The following RARB variants were observed in gnomAD, a reference collection of about 807,000 sequenced individuals.
RARB encodes HBV-activated protein.
In RARB, 17 loss-of-function variants were observed where a neutral mutation model predicts 51.9. The ratio of observed to expected loss-of-function variants is 0.33; its 90% CI spans 0.22 to 0.49. The LOEUF is 0.49. Ranked by LOEUF, RARB falls within the 20% of genes least tolerant of loss-of-function variation. The pLI is 0.99. For synonymous variants in RARB, 215 were observed against 195.4 expected, an observed-to-expected ratio of 1.10 and a Z score of -0.84; for missense variants, 369 against 550.8, an observed-to-expected ratio of 0.67 and a Z score of 3.30.
chr3:25,400,922 G>A (rs912255681), intron 5 of RARB, among the ~76,000 whole-genome samples: 1 of 151,928 alleles, frequency 6.6e-6, no homozygotes, highest in East Asian at 1.9e-4. Flanking sequence ...ATGTAAATCT[G>A]TTTTTAAGGT....
chr3:25,505,544 A>ATTT lies in RARB; in HGVS notation c.448+4232_448+4234dup, dbSNP rs5847359. Among the ~76,000 whole-genome samples, 16 of 146,416 alleles carry ATTT rather than the reference A, an allele frequency of 1.1e-4. No homozygotes were observed. The East Asian group carries it at 3.0e-3, about 27-fold the overall frequency. On this transcript the variant is annotated intron_variant, in intron 3 of 7. Coordinates refer to ENST00000330688, the MANE Select transcript of RARB (RefSeq NM_000965.5). ...ATCAGAACAGTATGCTTATTTCTTC[A>ATTT]TTTTTTTTTTTTTCTGTTTTGTAAA...
chr3:25,250,846 T>G (rs1702699484), intron 5 of RARB, among the ~76,000 whole-genome samples: 1 of 152,050 alleles, frequency 6.6e-6, no homozygotes. Flanking sequence ...CTCACAAGGG[T>G]TAAGAGACTC....
At chr3:25,199,213 A>G (rs893043167) in intron 5 of RARB, among the ~76,000 whole-genome samples, 2 of 152,066 alleles carry the variant, frequency 1.3e-5, no homozygotes, top group African/African-American at 4.8e-5. Flanking sequence ...TAAACATCAC[A>G]TGGTCTCACT....
At chr3:24,911,615 A>T (rs541281206) in intron 2 of RARB, among the ~76,000 whole-genome samples, 1 of 152,254 alleles carries the variant, frequency 6.6e-6, no homozygotes, top group Admixed American at 6.5e-5. Context: ...ATAAACTTGG[A>T]TTGTATGGTT....
rs142051471 is a variant in RARB at position 25,254,891 on chromosome 3, A to C, written c.178+80316A>C. Reference sequence around the variant, plus strand: ...TGGTGTTCTTGTGTTTGGATTGAGAATATTATTGAGGCACTACCTTAGCAG... The same window carrying C: ...TGGTGTTCTTGTGTTTGGATTGAGACTATTATTGAGGCACTACCTTAGCAG... On this transcript the variant is annotated intron_variant, in intron 5 of 11. Transcript: ENST00000383772. Among the ~76,000 whole-genome samples, 526 of 150,990 alleles carry C rather than the reference A, an allele frequency of 3.5e-3. 5 individuals carry two copies. Among genetic ancestry groups the C allele is most frequent in the African/African-American group, 0.012 (512 of 41,154 alleles).
intron 5 of RARB, among the ~76,000 whole-genome samples, chr3:25,214,725 T>C (rs1270405137): frequency 2.6e-5 from 4 of 152,188 alleles, no homozygotes; most frequent in Non-Finnish European, 5.9e-5. Flanking sequence ...AGCCCTCACT[T>C]TGGGCTAGGT....
intron 2 of RARB, among the ~76,000 whole-genome samples, chr3:24,927,435 C>T (rs141066803): frequency 1.3e-5 from 2 of 151,986 alleles, no homozygotes; most frequent in African/African-American, 2.4e-5. Flanking sequence ...GGTTTCTGCA[C>T]GGCAATGGAA....
intron 3 of RARB, among the ~76,000 whole-genome samples, chr3:25,131,300 T>C (rs1384398341): frequency 2.0e-5 from 3 of 152,052 alleles, no homozygotes; most frequent in Admixed American, 6.6e-5. Flanking sequence ...ATTTTGTGTT[T>C]AGCTGGAGTC....
Position 25,460,916 on chromosome 3 carries a change from T to G in RARB, c.158-277T>G, listed in dbSNP as rs531912448. Among the ~76,000 whole-genome samples the G allele has an allele frequency of 1.4e-4, 22 of 152,294 alleles. 1 individual carries two copies. The South Asian group carries it at 4.6e-3, about 32-fold the overall frequency. On this transcript the variant is annotated intron_variant, in intron 1 of 7. Coordinates refer to ENST00000330688, the MANE Select transcript of RARB (RefSeq NM_000965.5). ...TTCCTTTGAGTTTCTGTTTCTGTTG[T>G]GGCTAAAATTGTGATAAAAACCATG...
chr3:25,034,259 A>C (rs545654778), intron 2 of RARB, among the ~76,000 whole-genome samples: 29 of 152,292 alleles, frequency 1.9e-4, no homozygotes, highest in African/African-American at 6.7e-4. Flanking sequence ...GCAGTGAGTC[A>C]AGATCGCACC....
chr3:24,949,618 A>G (rs1040054570), intron 2 of RARB, among the ~76,000 whole-genome samples: 1 of 152,236 alleles, frequency 6.6e-6, no homozygotes, highest in East Asian at 1.9e-4. Context: ...CTTTGATTGT[A>G]TTGAAAACAA....
At chr3:24,847,700 C>T (rs1266167416) in intron 1 of RARB, among the ~76,000 whole-genome samples, 1 of 152,226 alleles carries the variant, frequency 6.6e-6, no homozygotes, top group African/African-American at 2.4e-5. Context: ...AGTTGGCCAC[C>T]ATAATTGTAG....
At chr3:25,282,865 C>T (rs1240860513) in intron 5 of RARB, among the ~76,000 whole-genome samples, 1 of 152,206 alleles carries the variant, frequency 6.6e-6, no homozygotes, top group Non-Finnish European at 1.5e-5. Flanking sequence ...GCTTCACTTC[C>T]ACCTTCCAAA....
At position 25,206,757 on chromosome 3, in the gene RARB, A is replaced by G. The variant is rs190300122; in HGVS notation, c.178+32182A>G. Among the ~76,000 whole-genome samples, 63 of 152,312 alleles carry G rather than the reference A, an allele frequency of 4.1e-4. No homozygotes were observed. In the South Asian group the frequency reaches 9.1e-3, roughly 22 times the overall value. On this transcript the variant is annotated intron_variant, in intron 5 of 11. Coordinates refer to the RARB transcript ENST00000383772. ...AGTACTGCTTCAGTGCTAGCGTACT[A>G]TGGATGCTTATTCATGCCCGATAGC... is the stretch of plus-strand genomic sequence containing the variant.
intron 2 of RARB, among the ~76,000 whole-genome samples, chr3:25,472,564 C>A (rs906794566): frequency 2.6e-5 from 4 of 152,128 alleles, no homozygotes; most frequent in Admixed American, 2.0e-4. Flanking sequence ...GTTTCCCCCT[C>A]CATTTCACAG....
chr3:25,106,540 C>A (rs1167143012), intron 3 of RARB, among the ~76,000 whole-genome samples: 1 of 147,476 alleles, frequency 6.8e-6, no homozygotes, highest in Non-Finnish European at 1.5e-5. Flanking sequence ...TGGGCTCAAG[C>A]AATCTGCCCC....
intron 5 of RARB, among the ~76,000 whole-genome samples, chr3:25,270,418 C>T (rs1176416764): frequency 6.6e-6 from 1 of 151,930 alleles, no homozygotes; most frequent in Non-Finnish European, 1.5e-5. Flanking sequence ...TATGAGGTAC[C>T]TAAAGTAGTC....
chr3:25,048,029 C>T (rs773836148), intron 2 of RARB, among the ~76,000 whole-genome samples: 25 of 152,146 alleles, frequency 1.6e-4, no homozygotes, highest in East Asian at 7.7e-4. Flanking sequence ...TCTCACCTGC[C>T]GCCATGTAAG....
At chr3:25,089,529 G>A (rs891491095) in intron 3 of RARB, among the ~76,000 whole-genome samples, 3 of 152,056 alleles carry the variant, frequency 2.0e-5, no homozygotes, top group African/African-American at 7.2e-5. Flanking sequence ...TTGAAATACG[G>A]TTTGATATCA....
Sources: allele counts gnomAD v4.1 joint callset (sites outside exome capture counted in the v4.1 genomes callset), GRCh38; gene constraint gnomAD v4.1.1; transcripts MANE v1.5; gene names NCBI Gene and HGNC (gene_info 2026-07-23, HGNC 2026-07-21).